Variants in UCP1 observed in about 807,000 individuals in gnomAD.
UCP1 encodes uncoupling protein 1.
Under a neutral mutation model 26.2 loss-of-function variants are expected in UCP1, and 24 were observed. The observed-to-expected ratio is 0.92, with a 90% CI of 0.66 to 1.29. The LOEUF is 1.29. UCP1 is among the 50% of genes most tolerant of loss of function. The pLI, the probability that UCP1 is intolerant of heterozygous loss-of-function variation, is 0.00. For synonymous variants in UCP1, 164 were observed against 156.8 expected (o/e 1.05, Z -0.34); for missense variants, 402 against 388.7 (o/e 1.03, Z -0.29).
intron 4 of UCP1, 134 bp from the exon 5 acceptor site, chr4:140,562,507 A>AAATAG: frequency 1.0e-6 from 1 of 956,264 alleles, no homozygotes; most frequent in Middle Eastern, 3.3e-4. Flanking sequence ...AAATAAAATA[A>AAATAG]GAAAGGTATT....
In UCP1 at chr4:140,565,370, A is replaced by C. The variant is rs575639599; in HGVS notation, c.326-1852T>G. The stretch of plus-strand genomic sequence containing the variant: ...TTGACATCTCTTTTTCCCTATTGCC[A>C]GTGTTTTAGGGCATACCCTGATCAT... On this transcript the variant is annotated intron_variant, in intron 2 of 5. Coordinates refer to ENST00000262999, the MANE Select transcript of UCP1 (RefSeq NM_021833.5). Among the ~76,000 whole-genome samples, 19 of 152,194 alleles carry C rather than the reference A, an allele frequency of 1.2e-4. No individual in the cohort carries two copies. In the East Asian group the frequency reaches 2.5e-3, roughly 20 times the overall value.
At position 140,568,887 on chromosome 4, in the gene UCP1, T is replaced by C. The variant is rs1397649742; in HGVS notation, c.-158A>G. 5.1e-6 allele frequency: 6 copies of C among 1,168,468 alleles called. No homozygotes were observed. The highest frequency in any genetic ancestry group is 7.2e-6 in the Non-Finnish European group (6 of 838,620). The allele number at this position is 1,168,468 out of a possible 1,614,324, so 72.4% of individuals were successfully genotyped here. Reference sequence around the variant, plus strand: ...GCAGCGGCGGTGCAGAGGCGGCGGCTGCAGACGGAGCGCGGTGTTGGGGGC... The same window carrying C: ...GCAGCGGCGGTGCAGAGGCGGCGGCCGCAGACGGAGCGCGGTGTTGGGGGC... On this transcript the variant is annotated 5_prime_UTR_variant, in exon 1 of 6. Transcript: ENST00000262999.
At chr4:140,564,577 C>T (rs911574867) in intron 2 of UCP1, among the ~76,000 whole-genome samples, 1 of 152,152 alleles carries the variant, frequency 6.6e-6, no homozygotes, top group Non-Finnish European at 1.5e-5. Flanking sequence ...AAAGAGCTTA[C>T]ACTGTCTAGC....
At chr4:140,567,638 A>T in intron 2 of UCP1, 141 bp downstream of exon 2, 1 of 1,080,334 alleles carries the variant, frequency 9.3e-7, no homozygotes, top group Non-Finnish European at 1.4e-6. Context: ...ACAATGAGCT[A>T]ATGTTTGGGG....
chr4:140,568,047 T>A (rs1266579027), intron 1 of UCP1, 70 bp from the exon 2 acceptor site: 1 of 1,536,384 alleles, frequency 6.5e-7, no homozygotes, highest in Non-Finnish European at 9.0e-7. Flanking sequence ...GATTTCCCCC[T>A]GTGTTCCTAT....
chr4:140,563,629 A>ATT, intron 2 of UCP1, 111 bp from the exon 3 acceptor site: 1 of 969,174 alleles, frequency 1.0e-6, no homozygotes, highest in Non-Finnish European at 1.5e-6. Flanking sequence ...TTTTTTTGAG[A>ATT]TGGAGTCTTG....
At chr4:140,562,045 T>C in intron 5 of UCP1, 148 bp downstream of exon 5, 2 of 930,922 alleles carry the variant, frequency 2.1e-6, no homozygotes, top group Non-Finnish European at 3.4e-6. Context: ...AATTGGTGGA[T>C]TGGAGAAATC....
intron 5 of UCP1, among the ~76,000 whole-genome samples, chr4:140,560,897 T>C (rs1338608757): frequency 6.6e-6 from 1 of 152,126 alleles, no homozygotes; most frequent in East Asian, 1.9e-4. Context: ...TTTTCCTACC[T>C]CCAGCCCCTG....
At chr4:140,565,299 A>C (rs1735772583) in intron 2 of UCP1, among the ~76,000 whole-genome samples, 1 of 152,098 alleles carries the variant, frequency 6.6e-6, no homozygotes, top group African/African-American at 2.4e-5. Context: ...CCTTACTTCT[A>C]TTTGTTCACC....
At chr4:140,560,481 G>T (rs1482229801) in intron 5 of UCP1, among the ~76,000 whole-genome samples, 2 of 152,078 alleles carry the variant, frequency 1.3e-5, no homozygotes, top group African/African-American at 2.4e-5. Flanking sequence ...AGGGAAGGGG[G>T]AATTTTTGCT....
In UCP1 at chr4:140,568,722, C is replaced by A. The variant is rs1735863025; in HGVS notation, c.8G>T (p.Gly3Val). ...CGGGTGTACGTCCGAGGCTGTCAGG[C>A]CCCCCATCTTCACTCAGAGACTGGA... Reference protein sequence around the residue: MGGLTASDVHPTL... With the variant: MGVLTASDVHPTL... The change falls in exon 1 of 6, where the codon GGC becomes GTC. Residue 3 changes from glycine to valine, a missense_variant. By Grantham distance (109) the Gly-to-Val change is moderately radical. Coordinates refer to ENST00000262999, the MANE Select transcript of UCP1 (RefSeq NM_021833.5). The A allele has an allele frequency of 5.0e-6, 8 of 1,591,642 alleles. No homozygotes were observed. The highest frequency in any genetic ancestry group is 6.8e-6 in the Non-Finnish European group (8 of 1,171,194).
chr4:140,567,897 T>G lies in UCP1; in HGVS notation c.207A>C (p.Glu69Asp). Residue 69 changes from glutamate to aspartate, a missense_variant, in exon 2 of 6, where the codon GAA (glutamate) becomes GAC (aspartate). By Grantham distance (45) the Glu-to-Asp change is conservative (BLOSUM62 2). Coordinates refer to ENST00000262999, the MANE Select transcript of UCP1 (RefSeq NM_021833.5). The stretch of plus-strand genomic sequence containing the variant: ...GCCCGCTGTAGAGTTTCATCCGCCC[T>G]TCTGTTTTTACCACAGCGGTGATTG... ...LGTITAVVKT[E>D]GRMKLYSGLP... 1 of 1,614,186 alleles carries G rather than the reference T, an allele frequency of 6.2e-7. No homozygotes were observed. The highest frequency in any genetic ancestry group is 8.5e-7 in the Non-Finnish European group (1 of 1,180,030).
chr4:140,561,215 G>A (rs993724514), intron 5 of UCP1, among the ~76,000 whole-genome samples: 8 of 152,140 alleles, frequency 5.3e-5, no homozygotes, highest in Non-Finnish European at 4.4e-5. Context: ...AAATGTGTAT[G>A]ATGCATTCAT....
At chr4:140,566,015 G>T (rs1197676829) in intron 2 of UCP1, among the ~76,000 whole-genome samples, 1 of 152,122 alleles carries the variant, frequency 6.6e-6, no homozygotes, top group East Asian at 1.9e-4. Flanking sequence ...ATTGCCTGTA[G>T]TATTCAATAC....
chr4:140,564,017 G>A (rs1026903440), intron 2 of UCP1, among the ~76,000 whole-genome samples: 1 of 152,188 alleles, frequency 6.6e-6, no homozygotes, highest in Admixed American at 6.5e-5. Flanking sequence ...TCAGGTGTCT[G>A]AAATTTTTTA....
At chr4:140,568,463 T>A in intron 1 of UCP1, 141 bp downstream of exon 1, 1 of 1,417,134 alleles carries the variant, frequency 7.1e-7, no homozygotes, top group Non-Finnish European at 9.7e-7. Context: ...GCACCAGCCC[T>A]GGGACAAGGC....
Position 140,563,611 on chromosome 4 carries a change from A to ATT in UCP1, c.326-95_326-94dup, listed in dbSNP as rs112019388. ...AATTTTCAGTGGTTCATATTTTTGT[A>ATT]TTTTTTTTTTTTTTGAGATGGAGTC... On this transcript the variant is annotated intron_variant, in intron 2 of 5. Transcript: ENST00000262999. 6,193 of 1,009,816 alleles carry ATT rather than the reference A, an allele frequency of 6.1e-3. 3 individuals carry two copies. The highest frequency in any genetic ancestry group is 6.4e-3 in the Admixed American group (240 of 37,352). The allele number at this position is 1,009,816 out of a possible 1,614,324, so 62.6% of individuals were successfully genotyped here.
intron 5 of UCP1, among the ~76,000 whole-genome samples, chr4:140,560,296 C>T (rs1217679629): frequency 1.3e-5 from 2 of 152,158 alleles, no homozygotes; most frequent in Admixed American, 1.3e-4. Context: ...AAAGTACCTA[C>T]TCTTCATCTT....
In UCP1 at chr4:140,563,109, C is replaced by G. The variant is rs147778681; in HGVS notation, c.628+1G>C. 1 of 1,611,774 alleles carries G rather than the reference C, an allele frequency of 6.2e-7. No individual in the cohort carries two copies. The highest frequency in any genetic ancestry group is 8.5e-7 in the Non-Finnish European group (1 of 1,178,274). On this transcript the variant is annotated splice_donor_variant, in intron 4 of 5. Coordinates refer to ENST00000262999, the MANE Select transcript of UCP1 (RefSeq NM_021833.5). LOFTEE classifies it high-confidence loss of function. ...GTTTGTTATATGAAATGGGAAGTTA[C>G]CTGCTAATATGTTGTTTTTCACAAA...
Sources: allele counts gnomAD v4.1 joint callset (sites outside exome capture counted in the v4.1 genomes callset), GRCh38; gene constraint gnomAD v4.1.1; transcripts MANE v1.5; gene names NCBI Gene and HGNC (gene_info 2026-07-23, HGNC 2026-07-21).